Variants in PPARGC1A observed in about 807,000 individuals in gnomAD.
PPARGC1A encodes the protein PPARG coactivator 1 alpha.
Under a neutral mutation model 88.7 loss-of-function variants are expected in PPARGC1A, and 25 were observed. The ratio of observed to expected loss-of-function variants is 0.28; its 90% CI spans 0.21 to 0.39. The LOEUF (loss-of-function observed/expected upper bound fraction) is 0.39, where lower values mean the gene tolerates loss of function less well. PPARGC1A is among the 10% of genes least tolerant of loss of function. PPARGC1A has a pLI of 1.00. For missense variants in PPARGC1A, 880 were observed against 968.7 expected (o/e 0.91, Z 1.22); for synonymous variants, 363 against 355.6 (o/e 1.02, Z -0.24).
chr4:23,986,256 A>C, the PPARGC1A span, among the ~76,000 whole-genome samples: 1 of 152,228 alleles, frequency 6.6e-6, no homozygotes, highest in South Asian at 2.1e-4. Context: ...TCTCTGAAAT[A>C]TTTACATATA....
At chr4:24,240,709 C>G in the PPARGC1A span, among the ~76,000 whole-genome samples, 2 of 152,240 alleles carry the variant, frequency 1.3e-5, no homozygotes, top group South Asian at 2.1e-4. Context: ...TTTGCCTTGA[C>G]AGTAGTTCAA....
chr4:23,804,242 T>C (rs948335836), intron 10 of PPARGC1A, among the ~76,000 whole-genome samples: 4 of 152,174 alleles, frequency 2.6e-5, no homozygotes, highest in South Asian at 2.1e-4. Flanking sequence ...GTTCTTGTAT[T>C]AGTGAAATGA....
chr4:23,812,240 G>T (rs984602349), intron 10 of PPARGC1A, among the ~76,000 whole-genome samples: 7 of 152,020 alleles, frequency 4.6e-5, no homozygotes, highest in African/African-American at 1.7e-4. Flanking sequence ...ATCGTGCCTG[G>T]CCAGAAATGA....
the PPARGC1A span, among the ~76,000 whole-genome samples, chr4:24,347,500 T>C: frequency 6.6e-6 from 1 of 152,222 alleles, no homozygotes; most frequent in Non-Finnish European, 1.5e-5. Context: ...CTTTTACCAT[T>C]ATATACTGTC....
the PPARGC1A span, among the ~76,000 whole-genome samples, chr4:24,051,477 C>T: frequency 1.3e-5 from 2 of 152,284 alleles, no homozygotes; most frequent in African/African-American, 4.8e-5. Flanking sequence ...TATCTTAACA[C>T]TCACAGTAGC....
the PPARGC1A span, among the ~76,000 whole-genome samples, chr4:24,248,647 C>T: frequency 6.6e-6 from 1 of 152,202 alleles, no homozygotes; most frequent in African/African-American, 2.4e-5. Flanking sequence ...TTGGGCAGCT[C>T]ATTTAACCTC....
the PPARGC1A span, among the ~76,000 whole-genome samples, chr4:24,369,228 C>T: frequency 6.6e-6 from 1 of 152,116 alleles, no homozygotes; most frequent in South Asian, 2.1e-4. Context: ...TAATTGAACA[C>T]GTACATCACT....
At chr4:24,067,398 C>T in the PPARGC1A span, among the ~76,000 whole-genome samples, 2 of 152,148 alleles carry the variant, frequency 1.3e-5, no homozygotes, top group Non-Finnish European at 2.9e-5. Flanking sequence ...GATACACAGA[C>T]ATCAAAATGC....
At chr4:24,385,455 C>A in the PPARGC1A span, among the ~76,000 whole-genome samples, 1 of 152,120 alleles carries the variant, frequency 6.6e-6, no homozygotes. Flanking sequence ...AATCCAGGAG[C>A]TGGTTTTTTG....
the PPARGC1A span, among the ~76,000 whole-genome samples, chr4:24,399,273 C>T: frequency 2.0e-5 from 3 of 152,134 alleles, no homozygotes; most frequent in Non-Finnish European, 4.4e-5. Flanking sequence ...ATTCTTAGGT[C>T]CTTTGAGTGA....
At chr4:24,369,163 A>G in the PPARGC1A span, among the ~76,000 whole-genome samples, 1 of 152,206 alleles carries the variant, frequency 6.6e-6, no homozygotes, top group African/African-American at 2.4e-5. Context: ...GCAGGGTGAG[A>G]ACATGGATAA....
the PPARGC1A span, among the ~76,000 whole-genome samples, chr4:23,949,951 T>C: frequency 6.6e-6 from 1 of 152,176 alleles, no homozygotes; most frequent in Non-Finnish European, 1.5e-5. Context: ...TTCAAATTAA[T>C]TTCATCGTGC....
In PPARGC1A at chr4:23,861,696, C is replaced by A. The variant is rs958917647; in HGVS notation, c.234+23056G>T. ...GAAACAAAAAAAAGGCAAAATATTTCTGAAAAAATGCATAACACAAATGCA... is the reference window on the plus strand; with the variant it reads ...GAAACAAAAAAAAGGCAAAATATTTATGAAAAAATGCATAACACAAATGCA... On this transcript the variant is annotated intron_variant, in intron 2 of 12. Coordinates refer to ENST00000264867, the MANE Select transcript of PPARGC1A (RefSeq NM_013261.5). Among the ~76,000 whole-genome samples, 3 of 152,104 alleles carry A rather than the reference C, an allele frequency of 2.0e-5. No individual in the cohort carries two copies. The East Asian group carries it at 5.8e-4, about 29-fold the overall frequency.
At chr4:23,826,316 C>A (rs1389407632) in intron 5 of PPARGC1A, among the ~76,000 whole-genome samples, 3 of 152,098 alleles carry the variant, frequency 2.0e-5, no homozygotes, top group African/African-American at 7.2e-5. Context: ...TTTAATCCAC[C>A]CTGTTCCAGT....
chr4:24,366,497 C>T, the PPARGC1A span, among the ~76,000 whole-genome samples: 1 of 152,082 alleles, frequency 6.6e-6, no homozygotes, highest in Admixed American at 6.6e-5. Context: ...GTTTCACTTC[C>T]TTTATCTTCT....
the PPARGC1A span, among the ~76,000 whole-genome samples, chr4:24,003,402 T>C: frequency 1.3e-5 from 2 of 152,106 alleles, no homozygotes; most frequent in African/African-American, 4.8e-5. Flanking sequence ...GTAGAATAGA[T>C]GAAATAATAG....
the PPARGC1A span, among the ~76,000 whole-genome samples, chr4:24,262,028 G>A: frequency 2.0e-5 from 3 of 152,240 alleles, no homozygotes; most frequent in South Asian, 6.2e-4. Flanking sequence ...TGTTATCTCT[G>A]GGGCAAGCAG....
At chr4:24,167,156 T>G in the PPARGC1A span, among the ~76,000 whole-genome samples, 1 of 152,154 alleles carries the variant, frequency 6.6e-6, no homozygotes, top group Non-Finnish European at 1.5e-5. Context: ...TGGGAGAAGT[T>G]GATTCCAGTC....
chr4:24,225,538 A>AAC, the PPARGC1A span, among the ~76,000 whole-genome samples: 11 of 151,722 alleles, frequency 7.3e-5, no homozygotes, highest in Non-Finnish European at 1.2e-4. Context: ...TCAAAAAAAA[A>AAC]ACACACACAC....
Sources: gnomAD v4.1 joint callset for allele counts (sites outside exome capture counted in the v4.1 genomes callset) on GRCh38, gnomAD v4.1.1 for gene constraint, MANE v1.5 for transcripts, NCBI Gene and HGNC (gene_info 2026-07-23, HGNC 2026-07-21) for gene names.